LINGO2: variants seen among roughly 807,000 people sequenced by gnomAD.
The protein encoded by LINGO2 is leucine-rich repeat and immunoglobulin-like domain-containing nogo receptor-interacting protein 2.
In LINGO2, 14 loss-of-function variants were observed where a neutral mutation model predicts 30.6. The ratio of observed to expected loss-of-function variants is 0.46; its 90% CI spans 0.30 to 0.72. LINGO2 has a LOEUF of 0.72. Among genes scored for constraint, LINGO2 ranks in the 30% least tolerant of loss-of-function variants. LINGO2 has a pLI of 0.07. For synonymous variants in LINGO2, 317 were observed against 288.5 expected (o/e 1.10, Z -1.00); for missense variants, 729 against 751.7 (o/e 0.97, Z 0.35).
chr9:28,396,034 C>T (rs1477678693), intron 2 of LINGO2, among the ~76,000 whole-genome samples: 1 of 152,116 alleles, frequency 6.6e-6, no homozygotes, highest in Admixed American at 6.5e-5. Context: ...AGGGACGCTA[C>T]CATAATTCAC....
intron 4 of LINGO2, among the ~76,000 whole-genome samples, chr9:28,196,040 C>A (rs1035852174): frequency 6.6e-6 from 1 of 151,098 alleles, no homozygotes; most frequent in Admixed American, 6.6e-5. Flanking sequence ...ATATAAAAAC[C>A]GTTTGATTAT....
intron 1 of LINGO2, among the ~76,000 whole-genome samples, chr9:28,544,113 G>A (rs1232583734): frequency 6.6e-6 from 1 of 151,690 alleles, no homozygotes; most frequent in Admixed American, 6.6e-5. Context: ...TGAGGCACAA[G>A]TATCATTTGA....
At chr9:28,423,650 C>A (rs991981809) in intron 2 of LINGO2, among the ~76,000 whole-genome samples, 1 of 152,048 alleles carries the variant, frequency 6.6e-6, no homozygotes, top group African/African-American at 2.4e-5. Context: ...AGTAGCTCTA[C>A]ATATGTATAA....
chr9:28,698,454 C>T, the LINGO2 span, among the ~76,000 whole-genome samples: 1 of 151,968 alleles, frequency 6.6e-6, no homozygotes, highest in African/African-American at 2.4e-5. Flanking sequence ...TATCTCCAAA[C>T]GTCTGATTTC....
At chr9:28,848,385 GTGTGTGTGTGTGTA>G in the LINGO2 span, among the ~76,000 whole-genome samples, 1,615 of 54,238 alleles carry the variant, frequency 0.03, 11 homozygotes, top group Admixed American at 0.039. Flanking sequence ...GTGTGTGTGT[GTGTGTGTGTGTGTA>G]TATATATATA....
chr9:28,618,714 C>T (rs1345894262), intron 1 of LINGO2, among the ~76,000 whole-genome samples: 1 of 152,108 alleles, frequency 6.6e-6, no homozygotes, highest in East Asian at 1.9e-4. Context: ...CTTCAGACTT[C>T]ATCTTAAATG....
the LINGO2 span, among the ~76,000 whole-genome samples, chr9:29,056,665 G>A: frequency 1.3e-5 from 2 of 152,148 alleles, no homozygotes; most frequent in East Asian, 1.9e-4. Flanking sequence ...TTCTGCCGAC[G>A]ACAATGTCTA....
chr9:28,581,759 C>G (rs907925719), intron 1 of LINGO2, among the ~76,000 whole-genome samples: 4 of 151,904 alleles, frequency 2.6e-5, no homozygotes, highest in Non-Finnish European at 4.4e-5. Context: ...TTCAACTGAT[C>G]AATGGTTTTC....
chr9:29,015,265 T>A, the LINGO2 span, among the ~76,000 whole-genome samples: 1 of 152,132 alleles, frequency 6.6e-6, no homozygotes, highest in Admixed American at 6.6e-5. Context: ...TCTATGCACA[T>A]AACAAAATTG....
chr9:28,717,231 G>T, the LINGO2 span, among the ~76,000 whole-genome samples: 4 of 151,718 alleles, frequency 2.6e-5, no homozygotes, highest in African/African-American at 9.7e-5. Flanking sequence ...TATTGGAGGA[G>T]TGTGCCCATC....
At chr9:28,770,735 T>C in the LINGO2 span, among the ~76,000 whole-genome samples, 1 of 152,168 alleles carries the variant, frequency 6.6e-6, no homozygotes, top group Non-Finnish European at 1.5e-5. Flanking sequence ...GGTTAATATA[T>C]GGTATAGCAT....
intron 1 of LINGO2, among the ~76,000 whole-genome samples, chr9:28,636,345 G>A (rs1827273070): frequency 6.6e-6 from 1 of 152,116 alleles, no homozygotes; most frequent in South Asian, 2.1e-4. Context: ...ACCCAGTAAT[G>A]GGATGGCGGG....
At chr9:28,428,953 G>C (rs1356505225) in intron 2 of LINGO2, among the ~76,000 whole-genome samples, 2 of 152,096 alleles carry the variant, frequency 1.3e-5, no homozygotes, top group Non-Finnish European at 2.9e-5. Flanking sequence ...CATATAAACA[G>C]GTAGCTCTAA....
chr9:28,105,359 G>C (rs1166973828), intron 4 of LINGO2, among the ~76,000 whole-genome samples: 1 of 152,090 alleles, frequency 6.6e-6, no homozygotes, highest in Non-Finnish European at 1.5e-5. Context: ...ACTGTTCTAG[G>C]CTCTGGGAGT....
intron 1 of LINGO2, among the ~76,000 whole-genome samples, chr9:28,637,718 T>G (rs1827351965): frequency 6.6e-6 from 1 of 152,194 alleles, no homozygotes; most frequent in South Asian, 2.1e-4. Flanking sequence ...AAGGAGATTT[T>G]GGGCTGAGAC....
Position 28,127,913 on chromosome 9 carries a change from T to C in LINGO2, c.-86-115508A>G, listed in dbSNP as rs150880120. On this transcript the variant is annotated intron_variant, in intron 4 of 5. Transcript: ENST00000379992. The stretch of plus-strand genomic sequence containing the variant: ...TTAGAAACTTACTTTATCTCTTGTC[T>C]CTGCTTATATTAAGAAAATGGAAAT... 6.6e-3 allele frequency among the ~76,000 whole-genome samples: 1,007 copies of C among 152,338 alleles called. 9 individuals are homozygous for C. The highest frequency in any genetic ancestry group is 0.014 in the Admixed American group (220 of 15,302).
At chr9:28,447,365 G>A (rs1326364746) in intron 2 of LINGO2, among the ~76,000 whole-genome samples, 1 of 152,170 alleles carries the variant, frequency 6.6e-6, no homozygotes, top group East Asian at 1.9e-4. Context: ...CTTCCACCAT[G>A]TGAGGACACA....
chr9:28,217,435 A>T (rs1431395258), intron 4 of LINGO2, among the ~76,000 whole-genome samples: 2 of 152,012 alleles, frequency 1.3e-5, no homozygotes, highest in African/African-American at 2.4e-5. Context: ...GAAAAAGAAA[A>T]TATTTGATAA....
At chr9:28,016,682 T>TAA (rs72138034) in intron 4 of LINGO2, among the ~76,000 whole-genome samples, 1,454 of 115,262 alleles carry the variant, frequency 0.013, 31 homozygotes, top group African/African-American at 0.04. Flanking sequence ...ATTAAACCAG[T>TAA]AAAAAAAAAA....
Sources: allele counts gnomAD v4.1 joint callset (sites outside exome capture counted in the v4.1 genomes callset), GRCh38; gene constraint gnomAD v4.1.1; transcripts MANE v1.5; gene names NCBI Gene and HGNC (gene_info 2026-07-23, HGNC 2026-07-21).